Variants in NYAP2 observed in about 807,000 individuals in gnomAD.
NYAP2 encodes neuronal tyrosine-phosphorylated phosphoinositide-3-kinase adapter 2.
Under a neutral mutation model 50.4 loss-of-function variants are expected in NYAP2, and 23 were observed. The observed-to-expected ratio is 0.46, with a 90% CI of 0.33 to 0.65. The LOEUF (loss-of-function observed/expected upper bound fraction) is 0.65. Ranked by LOEUF, NYAP2 falls within the 30% of genes least tolerant of loss-of-function variation. NYAP2 has a pLI of 0.02. For missense variants in NYAP2, 885 were observed against 861.0 expected (o/e 1.03, Z -0.35); for synonymous variants, 394 against 365.2 (o/e 1.08, Z -0.90).
intron 5 of NYAP2, among the ~76,000 whole-genome samples, chr2:225,586,886 G>A (rs535263219): frequency 1.3e-5 from 2 of 152,210 alleles, no homozygotes; most frequent in South Asian, 4.2e-4. Flanking sequence ...AGAACTACTC[G>A]AGATTGGATG....
chr2:225,622,611 G>T lies in NYAP2; in HGVS notation c.1619-4306G>T, dbSNP rs577286110. Reference sequence around the variant, plus strand: ...CTTTTTTTTTTTTAGACAAAGTCTCGCCCTGTTGCCCAGGCTGGAGTGCAG... The same window carrying T: ...CTTTTTTTTTTTTAGACAAAGTCTCTCCCTGTTGCCCAGGCTGGAGTGCAG... On this transcript the variant is annotated intron_variant, in intron 5 of 6. Coordinates refer to ENST00000636099, the Ensembl canonical transcript of NYAP2. 4.6e-5 allele frequency among the ~76,000 whole-genome samples: 6 copies of T among 129,270 alleles called. No homozygotes were observed. The East Asian group carries it at 1.4e-3, about 30-fold the overall frequency. 84.8% of individuals were successfully genotyped at this position (129,270 alleles called of 152,430 possible).
intron 5 of NYAP2, among the ~76,000 whole-genome samples, chr2:225,600,709 T>C (rs1692678218): frequency 6.6e-6 from 1 of 152,162 alleles, no homozygotes; most frequent in Non-Finnish European, 1.5e-5. Flanking sequence ...CAACTAAAAC[T>C]CCATCTCATT....
At chr2:225,611,886 A>G (rs200344145) in intron 5 of NYAP2, among the ~76,000 whole-genome samples, 5 of 140,656 alleles carry the variant, frequency 3.6e-5, no homozygotes, top group African/African-American at 8.3e-5. Context: ...ATGTATATAT[A>G]TGTGTGTGTG....
At chr2:225,626,695 T>C (rs2106257721) in intron 5 of NYAP2, among the ~76,000 whole-genome samples, 1 of 152,248 alleles carries the variant, frequency 6.6e-6, no homozygotes, top group Admixed American at 6.5e-5. Flanking sequence ...GTACTCTTTT[T>C]CCAAAAAGAA....
At chr2:225,443,554 A>C (rs1053304702) in intron 3 of NYAP2, among the ~76,000 whole-genome samples, 1 of 152,156 alleles carries the variant, frequency 6.6e-6, no homozygotes, top group African/African-American at 2.4e-5. Context: ...AAATGATGGT[A>C]CTGGTATGTA....
intron 4 of NYAP2, among the ~76,000 whole-genome samples, chr2:225,578,114 G>A (rs143075286): frequency 0.018 from 2,736 of 151,952 alleles, 88 homozygotes; most frequent in African/African-American, 0.062. Flanking sequence ...TGTATTTTTA[G>A]TAGAGATGGG....
At chr2:225,626,800 G>C (rs1693217164) in intron 5 of NYAP2, 117 bp from the exon 6 acceptor site, 1 of 764,750 alleles carries the variant, frequency 1.3e-6, no homozygotes, top group South Asian at 1.8e-5. Flanking sequence ...TAGTCTCCAA[G>C]TCTGAGTTTC....
intron 3 of NYAP2, among the ~76,000 whole-genome samples, chr2:225,474,965 C>T (rs75179493): frequency 7.0e-4 from 107 of 152,284 alleles, no homozygotes; most frequent in African/African-American, 2.3e-3. Context: ...AGACTTTGTA[C>T]AGCTATAAAA....
At position 225,493,323 on chromosome 2, in the gene NYAP2, A is replaced by G. The variant is rs193097959; in HGVS notation, c.222-20048A>G. 5.9e-5 allele frequency among the ~76,000 whole-genome samples: 9 copies of G among 152,322 alleles called. No individual in the cohort carries two copies. In the East Asian group the frequency reaches 1.7e-3, roughly 29 times the overall value. ...TTATGTTTTTTTAAAAAGTCTGTTT[A>G]AAATGCATTGCCAAAGCCTACGTTA... On this transcript the variant is annotated intron_variant, in intron 3 of 6. Coordinates refer to ENST00000636099, the Ensembl canonical transcript of NYAP2.
intron 3 of NYAP2, among the ~76,000 whole-genome samples, chr2:225,477,552 A>G (rs1160226495): frequency 6.6e-6 from 1 of 151,978 alleles, no homozygotes; most frequent in African/African-American, 2.4e-5. Context: ...CTCTATTTCT[A>G]ACAAGTTCAC....
chr2:225,500,796 C>G (rs1388956447), intron 3 of NYAP2, among the ~76,000 whole-genome samples: 3 of 152,096 alleles, frequency 2.0e-5, no homozygotes, highest in Non-Finnish European at 4.4e-5. Flanking sequence ...GGCAATATAC[C>G]TGGGAAGTAC....
chr2:225,613,544 A>G (rs1692935652), intron 5 of NYAP2, among the ~76,000 whole-genome samples: 1 of 152,104 alleles, frequency 6.6e-6, no homozygotes, highest in Non-Finnish European at 1.5e-5. Flanking sequence ...TGACACCTAA[A>G]ATTAACCATC....
At position 225,552,094 on chromosome 2, in the gene NYAP2, C is replaced by T. The variant is rs569456418; in HGVS notation, c.524-29847C>T. ...TCCCAAAGTGCTGGAATTACAGGTGCGAGCCACTGCACCTGGCACTTCTTT... is the reference window on the plus strand; with the variant it reads ...TCCCAAAGTGCTGGAATTACAGGTGTGAGCCACTGCACCTGGCACTTCTTT... On this transcript the variant is annotated intron_variant, in intron 4 of 6. Coordinates refer to ENST00000636099, the Ensembl canonical transcript of NYAP2. 2.6e-4 allele frequency among the ~76,000 whole-genome samples: 40 copies of T among 152,162 alleles called. No homozygotes were observed. The South Asian group carries it at 3.7e-3, about 14-fold the overall frequency.
the NYAP2 span, among the ~76,000 whole-genome samples, chr2:225,691,521 T>G: frequency 1.3e-5 from 2 of 152,300 alleles, no homozygotes; most frequent in Admixed American, 1.3e-4. Flanking sequence ...ATCTTGAAGA[T>G]ATATGTAAAA....
chr2:225,426,116 A>T (rs1695282659), intron 3 of NYAP2, among the ~76,000 whole-genome samples: 1 of 146,524 alleles, frequency 6.8e-6, no homozygotes, highest in Admixed American at 7.0e-5. Flanking sequence ...GTTACATGTT[A>T]TACTTTGCTT....
intron 6 of NYAP2, among the ~76,000 whole-genome samples, chr2:225,643,588 T>TCCCCCCCCCCC (rs1439114083): frequency 8.0e-6 from 1 of 125,412 alleles, no homozygotes; most frequent in Non-Finnish European, 1.6e-5. Context: ...ATGCTATCCC[T>TCCCCCCCCCCC]CCCCCCTCCC....
chr2:225,588,843 C>T (rs77299347), intron 5 of NYAP2, among the ~76,000 whole-genome samples: 162 of 152,198 alleles, frequency 1.1e-3, no homozygotes, highest in African/African-American at 3.5e-3. Flanking sequence ...TCTGGTCATC[C>T]GTAATAGCAG....
At chr2:225,592,972 C>G (rs142148642) in intron 5 of NYAP2, among the ~76,000 whole-genome samples, 1 of 152,276 alleles carries the variant, frequency 6.6e-6, no homozygotes, top group East Asian at 1.9e-4. Context: ...CCAAGATTCC[C>G]TCAGTAGTAT....
chr2:225,399,328 C>T (rs927682063), upstream of NYAP2, among the ~76,000 whole-genome samples: 1 of 151,782 alleles, frequency 6.6e-6, no homozygotes, highest in African/African-American at 2.4e-5. Flanking sequence ...AAACTTTGAG[C>T]TTAATAAATA....
Sources: allele counts gnomAD v4.1 joint callset (sites outside exome capture counted in the v4.1 genomes callset), GRCh38; gene constraint gnomAD v4.1.1; transcripts MANE v1.5; gene names NCBI Gene and HGNC (gene_info 2026-07-23, HGNC 2026-07-21).